The following LIFR variants were observed in gnomAD, a reference collection of about 807,000 sequenced individuals.
LIFR encodes leukemia inhibitory factor receptor.
A neutral mutation model predicts 122.2 loss-of-function variants in LIFR; 84 were observed. The ratio of observed to expected loss-of-function variants is 0.69; its 90% confidence interval spans 0.58 to 0.82. The LOEUF (loss-of-function observed/expected upper bound fraction) is 0.82. LIFR is among the 40% of genes least tolerant of loss of function. LIFR has a pLI of 0.00. For synonymous variants in LIFR, 422 were observed against 434.7 expected, an observed-to-expected ratio of 0.97 and a Z score of 0.36; for missense variants, 1,294 against 1,311.6, an observed-to-expected ratio of 0.99 and a Z score of 0.21.
rs1744429450 is a variant in LIFR, at chr5:38,488,974, T to C, written c.2335+104A>G. The stretch of plus-strand genomic sequence containing the variant: ...CATTTCTCTATCTTTCAGATAGTTT[T>C]GAAAACCAGTACTAAACTACTGAGC... On this transcript the variant is annotated intron_variant, in intron 16 of 19. Transcript: ENST00000453190. The C allele has an allele frequency of 4.5e-6, 4 of 882,016 alleles. No homozygotes were observed. The Middle Eastern group carries it at 1.2e-3, about 273-fold the overall frequency. The allele number at this position is 882,016 out of a possible 1,614,324, so 54.6% of individuals were successfully genotyped here.
At chr5:38,571,119 A>G (rs1439412994) in intron 1 of LIFR, among the ~76,000 whole-genome samples, 1 of 152,232 alleles carries the variant, frequency 6.6e-6, no homozygotes, top group Admixed American at 6.5e-5. Context: ...ATGTGGGTGT[A>G]GGCTGCAACT....
rs73077494 is a variant in LIFR, at chr5:38,529,790, A to G, written c.142+716T>C. Reference sequence around the variant, plus strand: ...GGTTGGTACGATATTCACTGTAGCAATAAATTATACGGCTATTTATATGAC... The same window carrying G: ...GGTTGGTACGATATTCACTGTAGCAGTAAATTATACGGCTATTTATATGAC... On this transcript the variant is annotated intron_variant, in intron 2 of 19. Coordinates refer to ENST00000453190, the MANE Select transcript of LIFR (RefSeq NM_001127671.2). 4.5e-3 allele frequency among the ~76,000 whole-genome samples: 688 copies of G among 152,308 alleles called. 7 individuals carry two copies. The highest frequency in any genetic ancestry group is 0.015 in the African/African-American group (639 of 41,564).
chr5:38,598,911 A>G (rs1379596813), upstream of LIFR, among the ~76,000 whole-genome samples: 1 of 152,182 alleles, frequency 6.6e-6, no homozygotes, highest in Non-Finnish European at 1.5e-5. Flanking sequence ...CCATAAGATA[A>G]TTTGCACTCA....
chr5:38,490,135 T>C, intron 15 of LIFR, 55 bp downstream of exon 15: 1 of 720,234 alleles, frequency 1.4e-6, no homozygotes, highest in Non-Finnish European at 2.4e-6. Flanking sequence ...TGTTGCCAAT[T>C]TATAATTTCT....
chr5:38,528,321 C>T lies in LIFR; in HGVS notation c.257+405G>A, dbSNP rs139739946. Reference sequence around the variant, plus strand: ...CTCCCAGGGGAGCAGGGGGCCAGAACTAACTTCCTCTCTGTTTGGCCTGTG... The same window carrying T: ...CTCCCAGGGGAGCAGGGGGCCAGAATTAACTTCCTCTCTGTTTGGCCTGTG... On this transcript the variant is annotated intron_variant, in intron 3 of 19. Transcript: ENST00000453190. Among the ~76,000 whole-genome samples the T allele has an allele frequency of 5.8e-3, 888 of 152,292 alleles. 12 individuals are homozygous for T. The highest frequency in any genetic ancestry group is 0.02 in the African/African-American group (837 of 41,586).
At chr5:38,553,641 TA>T (rs1171050935) in intron 1 of LIFR, among the ~76,000 whole-genome samples, 2 of 82,148 alleles carry the variant, frequency 2.4e-5, no homozygotes, top group Middle Eastern at 5.3e-3. Flanking sequence ...TATATATATA[TA>T]TATATATATA....
intron 1 of LIFR, among the ~76,000 whole-genome samples, chr5:38,586,122 CT>C (rs1749739196): frequency 6.6e-6 from 1 of 152,044 alleles, no homozygotes; most frequent in Admixed American, 6.6e-5. Flanking sequence ...TTTTGGTTTC[CT>C]TTTTTCTTTT....
chr5:38,553,639 TA>T (rs1380224645), intron 1 of LIFR, among the ~76,000 whole-genome samples: 2 of 79,090 alleles, frequency 2.5e-5, no homozygotes, highest in Non-Finnish European at 4.6e-5. Context: ...TATATATATA[TA>T]TATATATATA....
At chr5:38,488,892 G>A (rs554841273) in intron 16 of LIFR, among the ~76,000 whole-genome samples, 186 bp downstream of exon 16, 10 of 152,320 alleles carry the variant, frequency 6.6e-5, no homozygotes, top group African/African-American at 1.9e-4. Flanking sequence ...GACTATACAT[G>A]TCATTATTGC....
chr5:38,558,788 A>G (rs1748718388), upstream of LIFR: 1 of 152,194 alleles, frequency 6.6e-6, no homozygotes, highest in African/African-American at 2.4e-5. Flanking sequence ...TCGCGTGAGA[A>G]TTCAGTTACT....
chr5:38,544,563 C>A (rs1165581751), intron 1 of LIFR, among the ~76,000 whole-genome samples: 1 of 152,120 alleles, frequency 6.6e-6, no homozygotes, highest in Non-Finnish European at 1.5e-5. Context: ...GGGACAATTC[C>A]CTGCTTGCCT....
chr5:38,486,919 G>A (rs1744316697), intron 16 of LIFR, among the ~76,000 whole-genome samples: 1 of 152,134 alleles, frequency 6.6e-6, no homozygotes. Flanking sequence ...CACATTGCTT[G>A]GTGTCATCAT....
At position 38,511,963 on chromosome 5, in the gene LIFR, A is replaced by G; in HGVS notation, c.563T>C (p.Val188Ala). 1 of 1,613,880 alleles carries G rather than the reference A, an allele frequency of 6.2e-7. No homozygotes were observed. Among genetic ancestry groups the G allele is most frequent in the Non-Finnish European group, 8.5e-7 (1 of 1,179,906 alleles). Residue 188 changes from valine (V) to alanine (A), a missense_variant and splice_region_variant, in exon 6 of 20, where the codon GTG (valine) becomes GCG (alanine). Transcript: ENST00000453190. The stretch of plus-strand genomic sequence containing the variant: ...GCCATTCAGAGTTGTGTTGTGGGTC[A>G]CCTAAAAATGAACACAAACACAAAA... ...RKESMELVKL[V>A]THNTTLNGKD... is the part of the protein sequence containing the mutation.
rs544332662 is a variant in LIFR at position 38,600,552 on chromosome 5, C to G, written n.306-5169G>C. Reference sequence around the variant, plus strand: ...AAGTCACCTTCCGCAATCTCTGTAGCAATCAGCACTACTAGTTCCTCTCAT... The same window carrying G: ...AAGTCACCTTCCGCAATCTCTGTAGGAATCAGCACTACTAGTTCCTCTCAT... On this transcript the variant is annotated intron_variant and non_coding_transcript_variant, in intron 2 of 3. Transcript: ENST00000507786. 2.6e-5 allele frequency among the ~76,000 whole-genome samples: 4 copies of G among 152,344 alleles called. No homozygotes were observed. In the South Asian group the frequency reaches 8.3e-4, roughly 32 times the overall value.
upstream of LIFR, among the ~76,000 whole-genome samples, chr5:38,560,375 T>A (rs1748790656): frequency 1.3e-5 from 2 of 152,194 alleles, no homozygotes. Flanking sequence ...GATAATTTTC[T>A]CTAGATTTTA....
At chr5:38,605,293 G>T (rs1408616878) in intron 2 of LIFR, among the ~76,000 whole-genome samples, 3 of 152,094 alleles carry the variant, frequency 2.0e-5, no homozygotes, top group African/African-American at 7.2e-5. Flanking sequence ...ATAGAGGCAG[G>T]CACCACATAG....
intron 11 of LIFR, among the ~76,000 whole-genome samples, chr5:38,500,805 C>T (rs1040855610): frequency 1.3e-5 from 2 of 152,202 alleles, no homozygotes; most frequent in Admixed American, 1.3e-4. Flanking sequence ...GGTGCCCTCC[C>T]ACATTGCATC....
upstream of LIFR, among the ~76,000 whole-genome samples, chr5:38,560,602 G>GTT (rs539078770): frequency 1.4e-5 from 2 of 139,432 alleles, no homozygotes; most frequent in African/African-American, 2.6e-5. Context: ...TTTGTTTTTT[G>GTT]TTTTTTTTTT....
intron 11 of LIFR, 112 bp downstream of exon 11, chr5:38,502,525 C>T (rs778494516): frequency 4.5e-6 from 4 of 886,134 alleles, no homozygotes; most frequent in Non-Finnish European, 7.4e-6. Flanking sequence ...TCCCAAAGTG[C>T]TGGGATTACA....
Sources: allele counts gnomAD v4.1 joint callset (sites outside exome capture counted in the v4.1 genomes callset), GRCh38; gene constraint gnomAD v4.1.1; transcripts MANE v1.5; gene names NCBI Gene and HGNC (gene_info 2026-07-23, HGNC 2026-07-21).